Variants in EXTL3 observed in about 807,000 individuals in gnomAD.
EXTL3 encodes exostosin-like 3.
EXTL3 carries 27 observed loss-of-function variants against 69.3 expected under a neutral mutation model. That is an observed-to-expected ratio of 0.39 (90% CI 0.29 to 0.54). EXTL3 has a LOEUF of 0.54. EXTL3 is among the 20% of genes least tolerant of loss of function. EXTL3 has a pLI of 0.69. For synonymous variants in EXTL3, 511 were observed against 499.4 expected (o/e 1.02, Z -0.31); for missense variants, 1,003 against 1,231.8 (o/e 0.81, Z 2.78).
At chr8:28,671,313 T>TG (rs1353726701) in intron 1 of EXTL3, among the ~76,000 whole-genome samples, 4 of 143,630 alleles carry the variant, frequency 2.8e-5, no homozygotes, top group East Asian at 2.1e-4. Context: ...TTTTTTGTTT[T>TG]TTTTTTTTTT....
In EXTL3 at chr8:28,626,579, T is replaced by C. The variant is rs139418681; in HGVS notation, c.-53+3769T>C. Among the ~76,000 whole-genome samples, 192 of 152,322 alleles carry C rather than the reference T, an allele frequency of 1.3e-3. 2 individuals carry two copies. The highest frequency in any genetic ancestry group is 4.5e-3 in the African/African-American group (186 of 41,562). Reference sequence around the variant, plus strand: ...CACCCTTTGCTTTTTGTAGGGTAGATTAATAGGCGCATTCTGTAAGTGTTT... The same window carrying C: ...CACCCTTTGCTTTTTGTAGGGTAGACTAATAGGCGCATTCTGTAAGTGTTT... On this transcript the variant is annotated intron_variant, in intron 1 of 6. Coordinates refer to the EXTL3 transcript ENST00000523149.
At chr8:28,708,725 G>A (rs1029274424) in intron 1 of EXTL3, among the ~76,000 whole-genome samples, 7 of 152,178 alleles carry the variant, frequency 4.6e-5, no homozygotes, top group Admixed American at 2.6e-4. Flanking sequence ...AATGACAGCA[G>A]CATGCAGACA....
At chr8:28,744,620 T>G (rs1350974320) in intron 6 of EXTL3, among the ~76,000 whole-genome samples, 1 of 152,078 alleles carries the variant, frequency 6.6e-6, no homozygotes, top group Non-Finnish European at 1.5e-5. Context: ...CGGTGAAACC[T>G]TGTCTCTACT....
chr8:28,613,769 C>A (rs1806298562), intron 2 of EXTL3, among the ~76,000 whole-genome samples: 1 of 151,966 alleles, frequency 6.6e-6, no homozygotes. Context: ...TCATAATATT[C>A]TTTAATGATC....
intron 3 of EXTL3, among the ~76,000 whole-genome samples, chr8:28,729,947 C>T (rs940058436): frequency 4.0e-5 from 6 of 151,816 alleles, no homozygotes; most frequent in South Asian, 2.1e-4. Context: ...AAGTGACAGA[C>T]GCTATAGTCT....
chr8:28,742,955 C>T (rs1437087707), intron 5 of EXTL3, 131 bp from the exon 6 acceptor site: 2 of 919,534 alleles, frequency 2.2e-6, no homozygotes, highest in African/African-American at 1.6e-5. Context: ...CTGCCCCAGT[C>T]CCTAAGTGCC....
chr8:28,679,912 T>A (rs757746345), intron 1 of EXTL3, among the ~76,000 whole-genome samples: 1 of 152,152 alleles, frequency 6.6e-6, no homozygotes, highest in African/African-American at 2.4e-5. Flanking sequence ...TCTAATAGAA[T>A]AAGACAAATG....
chr8:28,729,313 A>AAAAAAG (rs35590421), intron 3 of EXTL3, among the ~76,000 whole-genome samples: 1 of 149,346 alleles, frequency 6.7e-6, no homozygotes, highest in Non-Finnish European at 1.5e-5. Context: ...AAAAAAAAAA[A>AAAAAAG]TGTCTGGGTG....
At chr8:28,710,602 TTTC>T (rs1233707928) in intron 1 of EXTL3, 2 of 366,928 alleles carry the variant, frequency 5.5e-6, no homozygotes, top group African/African-American at 4.5e-5. Flanking sequence ...TTTTTGTAGT[TTTC>T]TTTCTTTCTT....
chr8:28,746,977 A>G (rs1801901489), intron 6 of EXTL3, among the ~76,000 whole-genome samples: 1 of 148,894 alleles, frequency 6.7e-6, no homozygotes, highest in African/African-American at 2.5e-5. Flanking sequence ...CCCAGCTTAA[A>G]TGTTTTTTTT....
intron 3 of EXTL3, among the ~76,000 whole-genome samples, chr8:28,722,757 G>C (rs1263021721): frequency 7.3e-6 from 1 of 137,834 alleles, no homozygotes; most frequent in Admixed American, 7.7e-5. Flanking sequence ...CTGGGTGATA[G>C]AGGGAGACCC....
intron 2 of EXTL3, among the ~76,000 whole-genome samples, chr8:28,613,268 C>T (rs1258554088): frequency 6.6e-6 from 1 of 152,184 alleles, no homozygotes; most frequent in African/African-American, 2.4e-5. Flanking sequence ...ACTGCAACCT[C>T]TGCCTCCTGG....
At chr8:28,722,674 C>T (rs116074531) in intron 3 of EXTL3, among the ~76,000 whole-genome samples, 2,194 of 149,928 alleles carry the variant, frequency 0.015, 46 homozygotes, top group African/African-American at 0.051. Flanking sequence ...CTTGGGAAGC[C>T]GAGGTGAGGG....
chr8:28,619,317 C>CT (rs1332544148), upstream of EXTL3, among the ~76,000 whole-genome samples: 274 of 104,224 alleles, frequency 2.6e-3, 4 homozygotes, highest in African/African-American at 8.5e-3. Flanking sequence ...AAAAAAAAAC[C>CT]CTGTGTGAGC....
At chr8:28,738,537 G>A (rs958427415) in intron 5 of EXTL3, among the ~76,000 whole-genome samples, 2 of 152,074 alleles carry the variant, frequency 1.3e-5, no homozygotes, top group East Asian at 1.9e-4. Flanking sequence ...TTCTGTGTCC[G>A]TGAGTGCCGC....
Position 28,717,143 on chromosome 8 carries a change from T to A in EXTL3, c.1084T>A (p.Ser362Thr). ...SLRSSLQEAR[S>T]FEEEMEGDPP... ...GAGGTCTAGCCTTCAGGAGGCCCGCTCCTTCGAAGAGGAAATGGAGGGCGA... is the reference window on the plus strand; with the variant it reads ...GAGGTCTAGCCTTCAGGAGGCCCGCACCTTCGAAGAGGAAATGGAGGGCGA... The change falls in exon 3 of 7, where the codon TCC (serine) becomes ACC (threonine). Residue 362 changes from serine (S) to threonine (T), a missense_variant. Coordinates refer to ENST00000220562, the MANE Select transcript of EXTL3 (RefSeq NM_001440.4). This position sits in a 1 kb window ranked among gnomAD's most constrained non-coding sequence, Gnocchi z 8.3. 1 of 1,614,200 alleles carries A rather than the reference T, an allele frequency of 6.2e-7. No individual in the cohort carries two copies. Among genetic ancestry groups the A allele is most frequent in the East Asian group, 2.2e-5 (1 of 44,886 alleles).
chr8:28,634,626 C>T (rs1486459806), intron 1 of EXTL3, among the ~76,000 whole-genome samples: 1 of 146,868 alleles, frequency 6.8e-6, no homozygotes, highest in African/African-American at 2.6e-5. Context: ...GATGGAGTCT[C>T]ACTGTGTTGC....
intron 1 of EXTL3, among the ~76,000 whole-genome samples, chr8:28,713,176 T>TC (rs1022214248): frequency 9.9e-5 from 15 of 152,230 alleles, no homozygotes; most frequent in African/African-American, 3.6e-4. Flanking sequence ...TTGGTTTTAT[T>TC]CCCCCTTAGA....
At chr8:28,681,504 C>G (rs866608815) in intron 1 of EXTL3, among the ~76,000 whole-genome samples, 3 of 151,654 alleles carry the variant, frequency 2.0e-5, no homozygotes, top group Non-Finnish European at 4.4e-5. Flanking sequence ...GATGACAGAG[C>G]GAGACTCTGT....
Sources: allele counts gnomAD v4.1 joint callset (sites outside exome capture counted in the v4.1 genomes callset), GRCh38; gene constraint gnomAD v4.1.1; non-coding constraint Gnocchi (gnomAD v3.1); transcripts MANE v1.5; gene names NCBI Gene and HGNC (gene_info 2026-07-23, HGNC 2026-07-21).